Variants in PINX1 observed in about 807,000 individuals in gnomAD.
PINX1 encodes the protein PIN2 (TERF1) interacting telomerase inhibitor 1, also known as PIN2/TERF1-interacting telomerase inhibitor 1.
PINX1 carries 34 observed loss-of-function variants against 25.4 expected under a neutral mutation model. The observed-to-expected ratio is 1.34, with a 90% CI of 1.02 to 1.78. The LOEUF is 1.78. Among genes scored for constraint, PINX1 ranks in the 40% most tolerant of loss-of-function variants. The probability of loss-of-function intolerance (pLI) is 0.00; values close to 1 mark genes in which losing one functional copy is unlikely to be tolerated. For synonymous variants in PINX1, 197 were observed against 147.7 expected (o/e 1.33, Z -2.42); for missense variants, 592 against 404.9 (o/e 1.46, Z -3.97).
At chr8:10,812,729 C>T (rs193282911) in intron 6 of PINX1, among the ~76,000 whole-genome samples, 2 of 152,226 alleles carry the variant, frequency 1.3e-5, no homozygotes, top group Admixed American at 6.5e-5. Context: ...CAGGCCCGCA[C>T]AGAGCCGTTC....
chr8:10,794,389 C>G (rs2129077604), intron 6 of PINX1, among the ~76,000 whole-genome samples: 1 of 152,048 alleles, frequency 6.6e-6, no homozygotes, highest in East Asian at 1.9e-4. Context: ...CTTAAAATAT[C>G]CGAACAGTAT....
intron 5 of PINX1, among the ~76,000 whole-genome samples, chr8:10,821,005 T>C (rs771917765): frequency 6.6e-6 from 1 of 152,268 alleles, no homozygotes; most frequent in African/African-American, 2.4e-5. Flanking sequence ...TTCACTTCTT[T>C]GGAATTTCCA....
chr8:10,826,377 T>C, intron 4 of PINX1, 133 bp from the exon 5 acceptor site: 1 of 562,006 alleles, frequency 1.8e-6, no homozygotes, highest in Non-Finnish European at 3.1e-6. Context: ...ATTCATTTGC[T>C]CTGCAACAGC....
chr8:10,813,423 A>T (rs915710373), intron 6 of PINX1, among the ~76,000 whole-genome samples: 5 of 152,224 alleles, frequency 3.3e-5, no homozygotes, highest in African/African-American at 4.8e-5. Flanking sequence ...GAGGAACTTA[A>T]GGCATTGAAT....
At position 10,831,706 on chromosome 8, in the gene PINX1, A is replaced by G; in HGVS notation, c.260T>C (p.Leu87Pro). ...ATGGCAAGTGTTCAGTTCGGCCAGA[A>G]GCTGGTTAAAATCATCCTGATGGGC... is the stretch of plus-strand genomic sequence containing the variant. Reference protein sequence around the residue: ...WIAHQDDFNQLLAELNTCHGQ... With the variant: ...WIAHQDDFNQPLAELNTCHGQ... Residue 87 changes from leucine (L) to proline (P), a missense_variant, in exon 4 of 7, where the codon CTT (leucine) becomes CCT (proline). Physicochemically the swap from Leu to Pro is moderately conservative, Grantham distance 98 (BLOSUM62 -3). Coordinates refer to ENST00000314787, the MANE Select transcript of PINX1 (RefSeq NM_017884.6). The G allele has an allele frequency of 6.2e-7, 1 of 1,602,656 alleles. No homozygotes were observed. Among genetic ancestry groups the G allele is most frequent in the South Asian group, 1.1e-5 (1 of 88,634 alleles).
intron 5 of PINX1, 96 bp from the exon 6 acceptor site, chr8:10,820,365 T>C (rs1438988588): frequency 7.1e-6 from 6 of 841,514 alleles, no homozygotes; most frequent in African/African-American, 1.7e-5. Flanking sequence ...AAAATGGCTT[T>C]TGGGAAAGAA....
At chr8:10,798,615 A>T (rs1032927459) in intron 6 of PINX1, among the ~76,000 whole-genome samples, 4 of 152,242 alleles carry the variant, frequency 2.6e-5, no homozygotes, top group Non-Finnish European at 5.9e-5. Context: ...GCCGTTTAGG[A>T]AAGTCTCTTG....
chr8:10,782,279 G>T (rs1439498837), intron 6 of PINX1, among the ~76,000 whole-genome samples: 2 of 152,222 alleles, frequency 1.3e-5, no homozygotes, highest in East Asian at 3.9e-4. Context: ...GTATGGTGTG[G>T]GGACTGTGGC....
At chr8:10,782,108 G>C (rs895251250) in intron 6 of PINX1, among the ~76,000 whole-genome samples, 1 of 152,230 alleles carries the variant, frequency 6.6e-6, no homozygotes, top group African/African-American at 2.4e-5. Context: ...AACATTGCAT[G>C]ATCTCACTGA....
intron 6 of PINX1, among the ~76,000 whole-genome samples, chr8:10,793,197 C>T (rs573349781): frequency 1.3e-5 from 2 of 152,178 alleles, no homozygotes; most frequent in Non-Finnish European, 2.9e-5. Context: ...TCTGTAACTC[C>T]TAGTGTCTGC....
intron 4 of PINX1, among the ~76,000 whole-genome samples, chr8:10,830,535 T>C (rs1178444241): frequency 1.3e-5 from 2 of 152,344 alleles, no homozygotes; most frequent in East Asian, 3.9e-4. Flanking sequence ...CTCCACAAAA[T>C]TCTTTCAATC....
At chr8:10,838,971 C>G (rs1240232797) in intron 1 of PINX1, among the ~76,000 whole-genome samples, 2 of 152,224 alleles carry the variant, frequency 1.3e-5, no homozygotes, top group African/African-American at 4.8e-5. Context: ...TCTGCTTGAT[C>G]TGTTAAATAA....
intron 6 of PINX1, among the ~76,000 whole-genome samples, chr8:10,783,405 T>C (rs1398463776): frequency 2.6e-5 from 4 of 152,174 alleles, no homozygotes; most frequent in Non-Finnish European, 4.4e-5. Context: ...GTGTTTGTTG[T>C]TCCCCAAAAG....
At chr8:10,777,422 C>A (rs541711385) in intron 6 of PINX1, among the ~76,000 whole-genome samples, 1 of 152,196 alleles carries the variant, frequency 6.6e-6, no homozygotes, top group Non-Finnish European at 1.5e-5. Context: ...GATGCACTCT[C>A]GGCACCATGT....
chr8:10,790,142 G>A (rs1373892043), intron 6 of PINX1, among the ~76,000 whole-genome samples: 1 of 152,028 alleles, frequency 6.6e-6, no homozygotes, highest in Non-Finnish European at 1.5e-5. Flanking sequence ...CCTTCCAGAA[G>A]GTCCCCATGC....
At chr8:10,803,855 T>C (rs548992977) in intron 6 of PINX1, among the ~76,000 whole-genome samples, 2 of 152,376 alleles carry the variant, frequency 1.3e-5, no homozygotes, top group South Asian at 4.1e-4. Flanking sequence ...TAGTGGATAA[T>C]GTGTCTGGAT....
At chr8:10,785,270 T>G (rs1239292485) in intron 6 of PINX1, among the ~76,000 whole-genome samples, 1 of 152,238 alleles carries the variant, frequency 6.6e-6, no homozygotes, top group Non-Finnish European at 1.5e-5. Context: ...CAAGCTAAGT[T>G]TAAGCTGCTT....
chr8:10,777,272 C>G (rs773752090), intron 6 of PINX1, among the ~76,000 whole-genome samples: 77 of 152,174 alleles, frequency 5.1e-4, no homozygotes, highest in Non-Finnish European at 5.4e-4. Flanking sequence ...TTTACTGGTA[C>G]TAAAACAACT....
intron 6 of PINX1, among the ~76,000 whole-genome samples, chr8:10,790,865 C>T (rs1472257612): frequency 2.0e-5 from 3 of 152,162 alleles, no homozygotes; most frequent in Non-Finnish European, 4.4e-5. Flanking sequence ...AGTCTATACT[C>T]CCTGCAGATG....
Sources: gnomAD v4.1 joint callset for allele counts (sites outside exome capture counted in the v4.1 genomes callset) on GRCh38, gnomAD v4.1.1 for gene constraint, MANE v1.5 for transcripts, NCBI Gene and HGNC (gene_info 2026-07-23, HGNC 2026-07-21) for gene names.